Variants in ZNF609 observed in about 807,000 individuals in gnomAD.
The protein encoded by ZNF609 is zinc finger protein 609.
A neutral mutation model predicts 109.5 loss-of-function variants in ZNF609; 11 were observed. That is an observed-to-expected ratio of 0.10 (90% CI 0.06 to 0.17). The LOEUF is 0.17. ZNF609 is among the 10% of genes least tolerant of loss of function. The probability of loss-of-function intolerance (pLI) is 1.00; values close to 1 mark genes in which losing one functional copy is unlikely to be tolerated. For missense variants in ZNF609, 1,559 were observed against 1,772.4 expected, an observed-to-expected ratio of 0.88 and a Z score of 2.16; for synonymous variants, 646 against 662.0, an observed-to-expected ratio of 0.98 and a Z score of 0.37.
intron 2 of ZNF609, among the ~76,000 whole-genome samples, chr15:64,535,609 T>C (rs952571982): frequency 1.3e-5 from 2 of 152,200 alleles, no homozygotes; most frequent in African/African-American, 4.8e-5. Flanking sequence ...TTTGTGTGTG[T>C]GTGAACATAA....
At chr15:64,606,705 C>G (rs1750147959) in intron 2 of ZNF609, among the ~76,000 whole-genome samples, 1 of 152,142 alleles carries the variant, frequency 6.6e-6, no homozygotes, top group Non-Finnish European at 1.5e-5. Flanking sequence ...GCTACCACTT[C>G]TGCCAAGATC....
chr15:64,607,783 G>C (rs558897382), intron 2 of ZNF609, among the ~76,000 whole-genome samples: 4 of 150,128 alleles, frequency 2.7e-5, no homozygotes, highest in Non-Finnish European at 5.9e-5. Flanking sequence ...GGGATTACAG[G>C]CGTCATCTAC....
chr15:64,622,006 G>A (rs1387759161), intron 2 of ZNF609, among the ~76,000 whole-genome samples: 2 of 152,090 alleles, frequency 1.3e-5, no homozygotes, highest in East Asian at 3.8e-4. Context: ...GATTACAAGT[G>A]TGAGCCACCG....
intron 3 of ZNF609, among the ~76,000 whole-genome samples, chr15:64,630,048 C>G (rs1308643554): frequency 6.6e-6 from 1 of 150,808 alleles, no homozygotes; most frequent in Non-Finnish European, 1.5e-5. Context: ...CTTTCCTTCT[C>G]TGTTTCTCTT....
At chr15:64,581,325 T>A (rs1303088709) in intron 2 of ZNF609, among the ~76,000 whole-genome samples, 1 of 152,126 alleles carries the variant, frequency 6.6e-6, no homozygotes, top group Non-Finnish European at 1.5e-5. Context: ...CTTGCTTTTT[T>A]TAAAGATTTT....
chr15:64,468,225 T>TTTCCTTCC (rs1191328981), intron 1 of ZNF609, among the ~76,000 whole-genome samples: 2 of 150,040 alleles, frequency 1.3e-5, no homozygotes, highest in Non-Finnish European at 1.5e-5. Context: ...CCTTCCTCTC[T>TTTCCTTCC]TTCCTTCCTT....
intron 1 of ZNF609, among the ~76,000 whole-genome samples, chr15:64,475,083 A>G (rs887525999): frequency 7.1e-6 from 1 of 140,840 alleles, no homozygotes; most frequent in Admixed American, 7.5e-5. Context: ...CTGTGCTAGC[A>G]TACCCAGTTT....
At chr15:64,619,406 T>C (rs1895846196) in intron 2 of ZNF609, among the ~76,000 whole-genome samples, 1 of 152,240 alleles carries the variant, frequency 6.6e-6, no homozygotes, top group South Asian at 2.1e-4. Context: ...GGTTATTAGA[T>C]GAATATCACA....
At chr15:64,561,317 T>C (rs1303808175) in intron 2 of ZNF609, among the ~76,000 whole-genome samples, 1 of 152,202 alleles carries the variant, frequency 6.6e-6, no homozygotes, top group Non-Finnish European at 1.5e-5. Flanking sequence ...AGAGAAATCT[T>C]TGTGAGGGCA....
chr15:64,663,419 G>A (rs1896606978), intron 3 of ZNF609, among the ~76,000 whole-genome samples: 1 of 152,120 alleles, frequency 6.6e-6, no homozygotes, highest in African/African-American at 2.4e-5. Context: ...TGTTGTTCTT[G>A]GAGGAGAGGG....
At chr15:64,607,702 A>G (rs1895626272) in intron 2 of ZNF609, among the ~76,000 whole-genome samples, 1 of 151,522 alleles carries the variant, frequency 6.6e-6, no homozygotes, top group Non-Finnish European at 1.5e-5. Context: ...ACGGGGTCTC[A>G]CCATGTTGGC....
intron 2 of ZNF609, among the ~76,000 whole-genome samples, chr15:64,543,730 C>T (rs1179225136): frequency 6.6e-6 from 1 of 152,144 alleles, no homozygotes; most frequent in African/African-American, 2.4e-5. Flanking sequence ...AGGCGTAAGC[C>T]ACCACGCTCA....
At chr15:64,613,487 G>A (rs1435226718) in intron 2 of ZNF609, among the ~76,000 whole-genome samples, 1 of 152,150 alleles carries the variant, frequency 6.6e-6, no homozygotes, top group Non-Finnish European at 1.5e-5. Context: ...ATGTCTACCT[G>A]CTAGCCTCTC....
At chr15:64,600,719 G>T (rs1379241880) in intron 2 of ZNF609, among the ~76,000 whole-genome samples, 1 of 147,542 alleles carries the variant, frequency 6.8e-6, no homozygotes, top group Non-Finnish European at 1.5e-5. Flanking sequence ...GAAAGGAAGG[G>T]AAAGAAAGAA....
chr15:64,647,176 G>A (rs1286094699), intron 3 of ZNF609, among the ~76,000 whole-genome samples: 1 of 151,258 alleles, frequency 6.6e-6, no homozygotes, highest in Non-Finnish European at 1.5e-5. Context: ...CAATGTGGAT[G>A]AACCTTGAAA....
chr15:64,481,581 A>T (rs1278892398), intron 1 of ZNF609, among the ~76,000 whole-genome samples: 3 of 151,540 alleles, frequency 2.0e-5, no homozygotes, highest in Non-Finnish European at 2.9e-5. Context: ...CGGCCTCCCA[A>T]AGTGCTGGGA....
At chr15:64,595,575 G>A (rs1454075388) in intron 2 of ZNF609, among the ~76,000 whole-genome samples, 1 of 152,096 alleles carries the variant, frequency 6.6e-6, no homozygotes, top group Non-Finnish European at 1.5e-5. Flanking sequence ...AAGTCAGGTT[G>A]GCAGTGGTTT....
At chr15:64,596,236 C>G (rs189364331) in intron 2 of ZNF609, among the ~76,000 whole-genome samples, 5 of 152,244 alleles carry the variant, frequency 3.3e-5, no homozygotes, top group Admixed American at 3.3e-4. Flanking sequence ...TCACTGCACC[C>G]TCTGCCTCTC....
chr15:64,532,346 T>C (rs1398059342), intron 2 of ZNF609, among the ~76,000 whole-genome samples: 1 of 152,232 alleles, frequency 6.6e-6, no homozygotes, highest in Admixed American at 6.5e-5. Context: ...ATCTATCTGC[T>C]AGAATGTAAA....
Sources: gnomAD v4.1 joint callset for allele counts (sites outside exome capture counted in the v4.1 genomes callset) on GRCh38, gnomAD v4.1.1 for gene constraint, MANE v1.5 for transcripts, NCBI Gene and HGNC (gene_info 2026-07-23, HGNC 2026-07-21) for gene names.